ZNF362: variants seen among roughly 807,000 people sequenced by gnomAD.
The protein encoded by ZNF362 is zinc finger protein 362, also known as rotund homolog.
ZNF362 carries 11 observed loss-of-function variants against 42.9 expected under a neutral mutation model. That is an observed-to-expected ratio of 0.26 (90% CI 0.16 to 0.42). The LOEUF (loss-of-function observed/expected upper bound fraction) is 0.42. Ranked by LOEUF, ZNF362 falls within the 20% of genes least tolerant of loss-of-function variation. The pLI is 1.00. For synonymous variants in ZNF362, 255 were observed against 257.3 expected (o/e 0.99, Z 0.09); for missense variants, 362 against 576.2 (o/e 0.63, Z 3.81).
intron 8 of ZNF362, among the ~76,000 whole-genome samples, chr1:33,298,459 C>T (rs1390099436): frequency 6.6e-6 from 1 of 152,198 alleles, no homozygotes; most frequent in Non-Finnish European, 1.5e-5. Context: ...GGTTGTTCCT[C>T]CCCTATGCCT....
the ZNF362 span, chr1:33,142,855 G>C: frequency 6.6e-6 from 1 of 152,100 alleles, no homozygotes; most frequent in Non-Finnish European, 1.5e-5. Context: ...CCGAGTACTG[G>C]CTGTGGGTCC....
the ZNF362 span, among the ~76,000 whole-genome samples, chr1:33,176,967 C>G: frequency 6.6e-6 from 1 of 152,140 alleles, no homozygotes; most frequent in Non-Finnish European, 1.5e-5. Context: ...GGGCTCCTTC[C>G]CTCCACTTTG....
chr1:33,238,190 G>A, the ZNF362 span, among the ~76,000 whole-genome samples: 1 of 151,582 alleles, frequency 6.6e-6, no homozygotes, highest in Non-Finnish European at 1.5e-5. Context: ...GTGGTGGCAG[G>A]CACCTGTAAT....
chr1:33,256,308 G>A (rs1417952113), upstream of ZNF362, among the ~76,000 whole-genome samples: 6 of 143,426 alleles, frequency 4.2e-5, 1 homozygote, highest in Admixed American at 4.1e-4. Flanking sequence ...GCCCGGCGCT[G>A]CCCACTCGCG....
intron 1 of ZNF362, among the ~76,000 whole-genome samples, chr1:33,263,284 T>C (rs1645841500): frequency 1.3e-5 from 2 of 152,234 alleles, no homozygotes; most frequent in African/African-American, 4.8e-5. Flanking sequence ...TCACTAGTAT[T>C]TCTTGAGCAT....
the ZNF362 span, among the ~76,000 whole-genome samples, chr1:33,135,001 A>G: frequency 6.6e-6 from 1 of 152,140 alleles, no homozygotes; most frequent in East Asian, 1.9e-4. Flanking sequence ...AAAACCATTC[A>G]TGGATCTGGG....
At chr1:33,189,695 A>G in the ZNF362 span, among the ~76,000 whole-genome samples, 2 of 7,174 alleles carry the variant, frequency 2.8e-4, no homozygotes, top group East Asian at 6.5e-3. Flanking sequence ...GTATATATAT[A>G]TACACATATA....
chr1:33,161,592 G>C, the ZNF362 span, among the ~76,000 whole-genome samples: 24 of 152,156 alleles, frequency 1.6e-4, no homozygotes, highest in Non-Finnish European at 3.1e-4. The surrounding 1 kb of genome is among the most constrained non-coding windows in gnomAD (Gnocchi z 4.3). Context: ...GCAGACAAAG[G>C]GGGGCGGACG....
chr1:33,172,413 C>T, the ZNF362 span, among the ~76,000 whole-genome samples: 4 of 152,020 alleles, frequency 2.6e-5, no homozygotes, highest in Admixed American at 2.6e-4. Context: ...GGGATGGCTG[C>T]AGCCAGGCAT....
At chr1:33,151,282 C>T in the ZNF362 span, among the ~76,000 whole-genome samples, 1 of 152,084 alleles carries the variant, frequency 6.6e-6, no homozygotes, top group African/African-American at 2.4e-5. Flanking sequence ...CTGCCACTCA[C>T]TGGGCCGGCC....
the ZNF362 span, among the ~76,000 whole-genome samples, chr1:33,188,231 A>AAAACAAACAAACAAAC: frequency 1.3e-5 from 2 of 151,770 alleles, no homozygotes; most frequent in African/African-American, 4.9e-5. Context: ...ACTTCATCTC[A>AAAACAAACAAACAAAC]AAACAAACAA....
At chr1:33,183,823 G>C in the ZNF362 span, among the ~76,000 whole-genome samples, 1 of 152,352 alleles carries the variant, frequency 6.6e-6, no homozygotes, top group Admixed American at 6.5e-5. Context: ...GCAAGGCCAA[G>C]AGAGTCCTAG....
chr1:33,243,854 C>A, the ZNF362 span, among the ~76,000 whole-genome samples: 1 of 151,752 alleles, frequency 6.6e-6, no homozygotes, highest in Non-Finnish European at 1.5e-5. Flanking sequence ...GTGATCCGCC[C>A]GCCTCGGCCT....
intron 1 of ZNF362, among the ~76,000 whole-genome samples, chr1:33,263,283 T>C (rs764926366): frequency 2.8e-4 from 43 of 152,212 alleles, no homozygotes; most frequent in Non-Finnish European, 5.4e-4. Flanking sequence ...TTCACTAGTA[T>C]TTCTTGAGCA....
At chr1:33,212,228 C>G in the ZNF362 span, among the ~76,000 whole-genome samples, 1 of 152,192 alleles carries the variant, frequency 6.6e-6, no homozygotes, top group East Asian at 1.9e-4. Context: ...TCCCCAGAAG[C>G]AGATGCAGCC....
the ZNF362 span, chr1:33,176,495 G>A: frequency 4.4e-6 from 3 of 680,206 alleles, no homozygotes; most frequent in Admixed American, 6.1e-5. Flanking sequence ...CATGAGGCCT[G>A]GAGGGGGCGG....
the ZNF362 span, among the ~76,000 whole-genome samples, chr1:33,238,980 A>G: frequency 6.6e-6 from 1 of 152,140 alleles, no homozygotes; most frequent in Non-Finnish European, 1.5e-5. Flanking sequence ...AGCTTACGGC[A>G]TTTTGTTATG....
the ZNF362 span, among the ~76,000 whole-genome samples, chr1:33,161,540 C>T: frequency 6.6e-6 from 1 of 152,128 alleles, no homozygotes; most frequent in African/African-American, 2.4e-5. The surrounding 1 kb of genome is among the most constrained non-coding windows in gnomAD (Gnocchi z 4.3). Context: ...GAACTGCTGG[C>T]GGTGGGCCAG....
the ZNF362 span, among the ~76,000 whole-genome samples, chr1:33,217,891 TA>T: frequency 2.6e-5 from 4 of 152,286 alleles, no homozygotes; most frequent in East Asian, 1.9e-4. Context: ...GATATCTATG[TA>T]AAAAATATAT....
Sources: allele counts gnomAD v4.1 joint callset (sites outside exome capture counted in the v4.1 genomes callset), GRCh38; gene constraint gnomAD v4.1.1; non-coding constraint Gnocchi (gnomAD v3.1); transcripts MANE v1.5; gene names NCBI Gene and HGNC (gene_info 2026-07-23, HGNC 2026-07-21).